Variants in DNAJC3 observed in about 807,000 individuals in gnomAD.
DNAJC3 encodes DnaJ heat shock protein family (Hsp40) member C3.
DNAJC3 carries 38 observed loss-of-function variants against 68.6 expected under a neutral mutation model. The observed-to-expected ratio is 0.55, with a 90% CI of 0.43 to 0.73. DNAJC3 has a LOEUF of 0.73. Ranked by LOEUF, DNAJC3 falls within the 30% of genes least tolerant of loss-of-function variation. The pLI is 0.00. For missense variants in DNAJC3, 526 were observed against 591.9 expected (o/e 0.89, Z 1.16); for synonymous variants, 203 against 204.0 (o/e 1.00, Z 0.04).
chr13:95,703,096 C>A (rs1448413798), intron 1 of DNAJC3, among the ~76,000 whole-genome samples: 1 of 152,130 alleles, frequency 6.6e-6, no homozygotes, highest in African/African-American at 2.4e-5. Context: ...AATATTGAAC[C>A]ATTTCTCTTA....
intron 4 of DNAJC3, among the ~76,000 whole-genome samples, chr13:95,755,882 T>G (rs1882648151): frequency 6.6e-6 from 1 of 151,790 alleles, no homozygotes; most frequent in Admixed American, 6.6e-5. Flanking sequence ...CTCCAACTCC[T>G]TTCTTACTTC....
intron 4 of DNAJC3, among the ~76,000 whole-genome samples, chr13:95,753,202 G>T (rs1271165326): frequency 6.6e-6 from 1 of 152,060 alleles, no homozygotes; most frequent in Admixed American, 6.5e-5. Flanking sequence ...CGTTACCTCA[G>T]GAATTTTAAT....
At chr13:95,764,649 T>C (rs1448443889) in intron 9 of DNAJC3, among the ~76,000 whole-genome samples, 1 of 52,872 alleles carries the variant, frequency 1.9e-5, no homozygotes, top group African/African-American at 1.0e-4. Flanking sequence ...AGAATCCATA[T>C]ATATATATAT....
At chr13:95,677,639 C>G (rs1879796357) in intron 1 of DNAJC3, among the ~76,000 whole-genome samples, 1 of 152,214 alleles carries the variant, frequency 6.6e-6, no homozygotes, top group Admixed American at 6.5e-5. Context: ...TCCTGGGACG[C>G]GGAGACTTGG....
intron 1 of DNAJC3, among the ~76,000 whole-genome samples, chr13:95,702,381 C>T (rs570738992): frequency 3.3e-5 from 5 of 152,308 alleles, no homozygotes; most frequent in African/African-American, 7.2e-5. Flanking sequence ...AGTTTCCGTA[C>T]GTGCCTTTGT....
intron 10 of DNAJC3, 94 bp from the exon 11 acceptor site, chr13:95,786,913 A>T: frequency 6.9e-7 from 1 of 1,445,440 alleles, no homozygotes; most frequent in Non-Finnish European, 9.3e-7. Flanking sequence ...CAGTTTTGTT[A>T]ATTGCCAGTA....
chr13:95,721,094 A>C (rs548011538), intron 2 of DNAJC3, among the ~76,000 whole-genome samples: 1 of 152,238 alleles, frequency 6.6e-6, no homozygotes, highest in South Asian at 2.1e-4. Context: ...GGCAACCACT[A>C]TTCTACCTTC....
chr13:95,698,344 A>G (rs1165270593), intron 1 of DNAJC3, among the ~76,000 whole-genome samples: 2 of 152,180 alleles, frequency 1.3e-5, no homozygotes, highest in Non-Finnish European at 2.9e-5. Context: ...GTGATGGGCT[A>G]GACAGTGGAA....
intron 9 of DNAJC3, among the ~76,000 whole-genome samples, chr13:95,765,244 T>C (rs1261776699): frequency 6.6e-6 from 1 of 152,144 alleles, no homozygotes; most frequent in Admixed American, 6.5e-5. Context: ...TTTCTTTCCT[T>C]TTGAGCTACC....
chr13:95,788,587 T>C (rs1478754510), intron 11 of DNAJC3, among the ~76,000 whole-genome samples: 1 of 152,258 alleles, frequency 6.6e-6, no homozygotes, highest in African/African-American at 2.4e-5. Flanking sequence ...TGAAACTTAA[T>C]TTTCACTTGA....
intron 2 of DNAJC3, among the ~76,000 whole-genome samples, chr13:95,713,221 G>T (rs776140317): frequency 5.9e-5 from 9 of 152,116 alleles, no homozygotes; most frequent in Non-Finnish European, 1.2e-4. Context: ...AATTTGGCAA[G>T]AAATAGGGCA....
intron 1 of DNAJC3, among the ~76,000 whole-genome samples, chr13:95,688,923 T>TGTGG (rs199741186): frequency 0.013 from 1,316 of 102,496 alleles, 26 homozygotes; most frequent in African/African-American, 0.049. Context: ...CATTTGATTG[T>TGTGG]GTGGGTGTGT....
intron 4 of DNAJC3, among the ~76,000 whole-genome samples, chr13:95,729,035 A>G (rs1881618616): frequency 6.6e-6 from 1 of 150,918 alleles, no homozygotes; most frequent in African/African-American, 2.4e-5. Context: ...TTTTGCTCCC[A>G]CATATATGTG....
chr13:95,685,223 G>A (rs1219145512), intron 1 of DNAJC3, among the ~76,000 whole-genome samples: 2 of 152,248 alleles, frequency 1.3e-5, no homozygotes, highest in Middle Eastern at 3.2e-3. Flanking sequence ...AAGGCCTTGG[G>A]AGCTCACCCC....
chr13:95,714,978 T>C (rs2139632470), intron 2 of DNAJC3, among the ~76,000 whole-genome samples: 1 of 152,296 alleles, frequency 6.6e-6, no homozygotes, highest in African/African-American at 2.4e-5. Flanking sequence ...TTCCCAAAAT[T>C]CCCAGTAAAA....
rs1883624008 is a variant in DNAJC3, at chr13:95,787,078, A to C, written c.1280A>C (p.Gln427Pro). Residue 427 changes from glutamine to proline, a missense_variant, in exon 11 of 12, where the codon CAG becomes CCG. Physicochemically the swap from Gln to Pro is moderately conservative, Grantham distance 76. Transcript: ENST00000602402. ...CTGCAGTGGCACCCAGATAACTTCC[A>C]GAATGAAGAAGAAAAGAAAAAAGCT... is the stretch of plus-strand genomic sequence containing the variant. ...LALQWHPDNF[Q>P]NEEEKKKAEK... is the part of the protein sequence containing the mutation. 2 of 1,613,954 alleles carry C rather than the reference A, an allele frequency of 1.2e-6. No homozygotes were observed. The highest frequency in any genetic ancestry group is 1.7e-6 in the Non-Finnish European group (2 of 1,179,956).
At chr13:95,736,304 G>C (rs1353693858) in intron 4 of DNAJC3, among the ~76,000 whole-genome samples, 1 of 151,914 alleles carries the variant, frequency 6.6e-6, no homozygotes, top group Non-Finnish European at 1.5e-5. Context: ...TGGCGATGCG[G>C]GCTCTTTTTT....
chr13:95,709,886 G>A (rs944972241), intron 2 of DNAJC3, among the ~76,000 whole-genome samples: 2 of 152,084 alleles, frequency 1.3e-5, no homozygotes, highest in Non-Finnish European at 2.9e-5. Context: ...TGATCCGCCC[G>A]CCTCGGCCTC....
At chr13:95,719,174 T>C (rs1412884734) in intron 2 of DNAJC3, among the ~76,000 whole-genome samples, 2 of 152,194 alleles carry the variant, frequency 1.3e-5, no homozygotes, top group East Asian at 1.9e-4. Context: ...ACCAAATAGA[T>C]GGAAGAGATG....
Sources: allele counts gnomAD v4.1 joint callset (sites outside exome capture counted in the v4.1 genomes callset), GRCh38; gene constraint gnomAD v4.1.1; transcripts MANE v1.5; gene names NCBI Gene and HGNC (gene_info 2026-07-23, HGNC 2026-07-21).